RAPGEF2: variants seen among roughly 807,000 people sequenced by gnomAD.
RAPGEF2 encodes PDZ domain containing guanine nucleotide exchange factor (GEF) 1.
Under a neutral mutation model 186.7 loss-of-function variants are expected in RAPGEF2, and 54 were observed. That is an observed-to-expected ratio of 0.29 (90% confidence interval 0.23 to 0.36). The LOEUF is 0.36. Ranked by LOEUF, RAPGEF2 falls within the 10% of genes least tolerant of loss-of-function variation. The pLI is 1.00. For synonymous variants in RAPGEF2, 712 were observed against 705.9 expected, an observed-to-expected ratio of 1.01 and a Z score of -0.14; for missense variants, 1,532 against 2,045.0, an observed-to-expected ratio of 0.75 and a Z score of 4.84.
Position 159,350,295 on chromosome 4 carries a change from A to G in RAPGEF2, c.3865+6A>G. On this transcript the variant is annotated splice_donor_region_variant and intron_variant, in intron 26 of 29. Transcript: ENST00000691494. The stretch of plus-strand genomic sequence containing the variant: ...ACAGAGTTCTCCAAGGAAAGGTAGA[A>G]TTAAATTACTTTTTGTTTTCTTGTA... 1 of 1,537,596 alleles carries G rather than the reference A, an allele frequency of 6.5e-7. No homozygotes were observed. Among genetic ancestry groups the G allele is most frequent in the South Asian group, 1.3e-5 (1 of 75,862 alleles).
At chr4:159,300,218 CAA>C (rs71888534) in intron 7 of RAPGEF2, among the ~76,000 whole-genome samples, 45,073 of 151,022 alleles carry the variant, frequency 0.3, 7,624 homozygotes, top group Non-Finnish European at 0.39. Context: ...CTGATTTAAA[CAA>C]TATATAATTA....
At chr4:159,104,505 A>AGAGAGAGAGAGAGAGAGAGAGAGAGAGG (rs1737581194) in intron 1 of RAPGEF2, among the ~76,000 whole-genome samples, 1 of 126,098 alleles carries the variant, frequency 7.9e-6, no homozygotes, top group Non-Finnish European at 1.6e-5. Flanking sequence ...AGAGAGAGAG[A>AGAGAGAGAGAGAGAGAGAGAGAGAGAGG]GAGAGAGAGA....
intron 3 of RAPGEF2, among the ~76,000 whole-genome samples, chr4:159,205,103 T>C (rs958441795): frequency 6.6e-6 from 1 of 152,214 alleles, no homozygotes; most frequent in Non-Finnish European, 1.5e-5. Flanking sequence ...GTACTTTTTT[T>C]CCTGCCATTT....
At chr4:159,128,651 G>A (rs1740645479) in intron 1 of RAPGEF2, among the ~76,000 whole-genome samples, 1 of 151,480 alleles carries the variant, frequency 6.6e-6, no homozygotes. Context: ...TATTTTAGAA[G>A]TACAGGCTTC....
chr4:159,339,153 A>G lies in RAPGEF2; in HGVS notation c.2333A>G (p.Gln778Arg). 6.2e-7 allele frequency: 1 copy of G among 1,614,134 alleles called. No homozygotes were observed. Among genetic ancestry groups the G allele is most frequent in the Admixed American group, 1.7e-5 (1 of 60,034 alleles). Residue 778 changes from glutamine (Q) to arginine (R), a missense_variant, in exon 19 of 30, where the codon CAG becomes CGG. Physicochemically the swap from Gln to Arg is conservative, Grantham distance 43. Around this residue, in one of 4 missense-constraint regions of RAPGEF2, gnomAD observed 810 missense variants for 1,210.5 expected, o/e 0.67. Coordinates refer to ENST00000691494, the MANE Select transcript of RAPGEF2 (RefSeq NM_001394067.2). ...GTGCTAAGGGTTTTTAAGGCTGATC[A>G]GCAAAGCCGCTACATCATGATCAGT... is the stretch of plus-strand genomic sequence containing the variant. ...DQVLRVFKADQQSRYIMISKD... is the reference protein window; with the variant it reads ...DQVLRVFKADRQSRYIMISKD...
intron 7 of RAPGEF2, among the ~76,000 whole-genome samples, chr4:159,301,297 A>C (rs938423937): frequency 6.6e-5 from 10 of 152,136 alleles, no homozygotes; most frequent in Non-Finnish European, 1.5e-4. Context: ...TAAATCCGGA[A>C]GGGTGGAAGT....
chr4:159,266,638 GTGTGTGTGTA>G (rs940267133), intron 7 of RAPGEF2, among the ~76,000 whole-genome samples: 5 of 151,988 alleles, frequency 3.3e-5, no homozygotes, highest in Admixed American at 6.6e-5. Flanking sequence ...ATGTGCATCT[GTGTGTGTGTA>G]TGTGTGTGTA....
At chr4:159,324,461 A>T (rs887853050) in intron 11 of RAPGEF2, among the ~76,000 whole-genome samples, 3 of 152,220 alleles carry the variant, frequency 2.0e-5, no homozygotes, top group African/African-American at 7.2e-5. Flanking sequence ...TAAGGATGGT[A>T]TTTTTAAATT....
At chr4:159,319,362 A>G (rs1334161206) in intron 9 of RAPGEF2, among the ~76,000 whole-genome samples, 6 of 152,124 alleles carry the variant, frequency 3.9e-5, no homozygotes, top group African/African-American at 9.7e-5. Context: ...TGCACTCCCT[A>G]TGAGACTGTA....
intron 7 of RAPGEF2, among the ~76,000 whole-genome samples, chr4:159,274,193 T>A (rs1248252059): frequency 6.6e-6 from 1 of 152,224 alleles, no homozygotes; most frequent in African/African-American, 2.4e-5. Context: ...TTTTCTTCAT[T>A]TTCTTTTGTT....
intron 9 of RAPGEF2, among the ~76,000 whole-genome samples, chr4:159,318,438 G>C (rs1764859848): frequency 1.3e-5 from 2 of 152,220 alleles, no homozygotes; most frequent in South Asian, 4.1e-4. Flanking sequence ...AAAAGGGACA[G>C]ATTATGTCCA....
rs1561271492 is a variant in RAPGEF2 at position 159,318,693 on chromosome 4, T to G, written c.854-3654T>G. Among the ~76,000 whole-genome samples the G allele has an allele frequency of 2.0e-5, 3 of 152,278 alleles. No homozygotes were observed. The East Asian group carries it at 5.8e-4, about 29-fold the overall frequency. Reference sequence around the variant, plus strand: ...TAGTTTTAAAAAATTTTTTTTGTTTTGAGAGTTTGACACAGTAAAGTAGAA... The same window carrying G: ...TAGTTTTAAAAAATTTTTTTTGTTTGGAGAGTTTGACACAGTAAAGTAGAA... On this transcript the variant is annotated intron_variant, in intron 9 of 29. Coordinates refer to ENST00000691494, the MANE Select transcript of RAPGEF2 (RefSeq NM_001394067.2).
chr4:159,111,136 A>G lies in RAPGEF2; in HGVS notation c.69+6905A>G, dbSNP rs1318582601. Among the ~76,000 whole-genome samples the G allele has an allele frequency of 2.0e-5, 3 of 152,102 alleles. No individual in the cohort carries two copies. In the South Asian group the frequency reaches 6.2e-4, roughly 31 times the overall value. On this transcript the variant is annotated intron_variant, in intron 1 of 29. Coordinates refer to ENST00000691494, the MANE Select transcript of RAPGEF2 (RefSeq NM_001394067.2). ...TTCCTTTTTCCCTCCAGTCTGTGAA[A>G]GAATTTACCCTTGGTGCGGTGGTGG... is the stretch of plus-strand genomic sequence containing the variant.
chr4:159,254,587 T>G (rs1755904691), intron 7 of RAPGEF2, among the ~76,000 whole-genome samples: 1 of 149,068 alleles, frequency 6.7e-6, no homozygotes, highest in East Asian at 2.0e-4. Context: ...AATCTGTACC[T>G]AATACAGCAT....
At chr4:159,346,352 AG>A (rs1730304714) in intron 24 of RAPGEF2, among the ~76,000 whole-genome samples, 1 of 152,238 alleles carries the variant, frequency 6.6e-6, no homozygotes, top group African/African-American at 2.4e-5. Flanking sequence ...AATAGATTGC[AG>A]TTGACAGCAT....
chr4:159,339,336 G>A lies in RAPGEF2; in HGVS notation c.2516G>A (p.Arg839Lys). Residue 839 changes from arginine to lysine, a missense_variant, in exon 19 of 30, where the codon AGA becomes AAA. Coordinates refer to ENST00000691494, the MANE Select transcript of RAPGEF2 (RefSeq NM_001394067.2). Reference protein sequence around the residue: ...LPDQLSKLADRIQLSGRYYLK... With the variant: ...LPDQLSKLADKIQLSGRYYLK... Reference sequence around the variant, plus strand: ...GATCAGCTTTCCAAACTTGCAGACAGAATACAACTGAGTGGAAGGTATATA... The same window carrying A: ...GATCAGCTTTCCAAACTTGCAGACAAAATACAACTGAGTGGAAGGTATATA... 6.2e-7 allele frequency: 1 copy of A among 1,613,912 alleles called. No homozygotes were observed. The highest frequency in any genetic ancestry group is 8.5e-7 in the Non-Finnish European group (1 of 1,179,950).
chr4:159,113,491 T>C (rs1445654849), intron 1 of RAPGEF2, among the ~76,000 whole-genome samples: 1 of 152,108 alleles, frequency 6.6e-6, no homozygotes, highest in Non-Finnish European at 1.5e-5. Flanking sequence ...CTGTAATCCC[T>C]GCACTTTGGA....
intron 3 of RAPGEF2, among the ~76,000 whole-genome samples, chr4:159,204,901 C>T (rs1282308486): frequency 1.3e-5 from 2 of 152,068 alleles, no homozygotes; most frequent in Non-Finnish European, 2.9e-5. Context: ...CTGTTTTTTG[C>T]CCAGTACTGG....
Position 159,314,740 on chromosome 4 carries a change from C to G in RAPGEF2, c.825C>G (p.Asp275Glu). The stretch of plus-strand genomic sequence containing the variant: ...TTGTGAGAGACTGCCTAGAGAAGGA[C>G]CCAATTGACCGGACAGATGATGACA... ...RDIVRDCLEK[D>E]PIDRTDDDIE... Residue 275 changes from aspartate (D) to glutamate (E), a missense_variant, in exon 9 of 30, where the codon GAC becomes GAG. By Grantham distance (45) the Asp-to-Glu change is conservative. Coordinates refer to ENST00000691494, the MANE Select transcript of RAPGEF2 (RefSeq NM_001394067.2). 1 of 1,609,126 alleles carries G rather than the reference C, an allele frequency of 6.2e-7. No homozygotes were observed. Among genetic ancestry groups the G allele is most frequent in the Non-Finnish European group, 8.5e-7 (1 of 1,178,348 alleles).
Sources: allele counts gnomAD v4.1 joint callset (sites outside exome capture counted in the v4.1 genomes callset), GRCh38; gene constraint gnomAD v4.1.1; regional missense constraint gnomAD v4.1.1; transcripts MANE v1.5; gene names NCBI Gene and HGNC (gene_info 2026-07-23, HGNC 2026-07-21).